Variants in RANBP3 observed in about 807,000 individuals in gnomAD.
RANBP3 encodes ran-binding protein 3.
RANBP3 carries 14 observed loss-of-function variants against 77.3 expected under a neutral mutation model. The observed-to-expected ratio is 0.18, with a 90% CI of 0.12 to 0.28. The LOEUF (loss-of-function observed/expected upper bound fraction) is 0.28. Among genes scored for constraint, RANBP3 ranks in the 10% least tolerant of loss-of-function variants. The pLI, the probability that RANBP3 is intolerant of heterozygous loss-of-function variation, is 1.00. For synonymous variants in RANBP3, 315 were observed against 312.4 expected, an observed-to-expected ratio of 1.01 and a Z score of -0.09; for missense variants, 586 against 752.3, an observed-to-expected ratio of 0.78 and a Z score of 2.59.
At position 5,918,481 on chromosome 19, in the gene RANBP3, G is replaced by C. The variant is rs770941882; in HGVS notation, c.1473+15C>G. The C allele has an allele frequency of 6.4e-7, 1 of 1,572,102 alleles. No individual in the cohort carries two copies. Among genetic ancestry groups the C allele is most frequent in the Non-Finnish European group, 8.6e-7 (1 of 1,156,670 alleles). Reference sequence around the variant, plus strand: ...AGGATGAGGGGTCCCAGATGCACCCGCGTGGCTGGCTCACCGAGATCAGGA... The same window carrying C: ...AGGATGAGGGGTCCCAGATGCACCCCCGTGGCTGGCTCACCGAGATCAGGA... On this transcript the variant is annotated intron_variant, in intron 15 of 16. Coordinates refer to ENST00000340578, the MANE Select transcript of RANBP3 (RefSeq NM_007322.3).
At chr19:5,973,407 T>C (rs1166980844) in intron 1 of RANBP3, among the ~76,000 whole-genome samples, 1 of 152,174 alleles carries the variant, frequency 6.6e-6, no homozygotes, top group African/African-American at 2.4e-5. Flanking sequence ...ACATTTCCAC[T>C]GTCATGACTG....
intron 2 of RANBP3, among the ~76,000 whole-genome samples, chr19:5,951,998 C>T (rs879691135): frequency 1.1e-4 from 17 of 152,174 alleles, no homozygotes; most frequent in Non-Finnish European, 2.4e-4. Flanking sequence ...TGGCCATCAG[C>T]ACCATTTCTG....
chr19:5,975,901 G>C (rs547562431), intron 1 of RANBP3, among the ~76,000 whole-genome samples: 1 of 151,930 alleles, frequency 6.6e-6, no homozygotes, highest in African/African-American at 2.4e-5. Context: ...GAAAAAGCCA[G>C]AGTAGTTAGC....
chr19:5,917,725 A>T (rs2057759769), intron 16 of RANBP3, 69 bp downstream of exon 16: 1 of 1,588,982 alleles, frequency 6.3e-7, no homozygotes, highest in Non-Finnish European at 8.6e-7. Flanking sequence ...CCGCCAGGAG[A>T]TCAGCACTGG....
chr19:5,917,866 C>A lies in RANBP3; in HGVS notation c.1588G>T (p.Ala530Ser), dbSNP rs1212825356. 1 of 1,612,702 alleles carries A rather than the reference C, an allele frequency of 6.2e-7. No homozygotes were observed. The highest frequency in any genetic ancestry group is 8.5e-7 in the Non-Finnish European group (1 of 1,179,920). Reference sequence around the variant, plus strand: ...TCGTCCTCCTCGTTGGATGGGGCTGCCCCAGGCTCAGGCGCGGGCATCTTG... The same window carrying A: ...TCGTCCTCCTCGTTGGATGGGGCTGACCCAGGCTCAGGCGCGGGCATCTTG... ...EAKMPAPEPG[A>S]APSNEEDDSD... Residue 530 changes from alanine (A) to serine (S), a missense_variant, in exon 16 of 17, where the codon GCA becomes TCA. Ala to Ser is a moderately conservative substitution (Grantham distance 99). Around this residue, in one of 5 missense-constraint regions of RANBP3, gnomAD observed 128 missense variants for 157.0 expected, o/e 0.82. Coordinates refer to ENST00000340578, the MANE Select transcript of RANBP3 (RefSeq NM_007322.3).
At chr19:5,951,357 CT>C (rs1418049754) in intron 3 of RANBP3, 35 bp downstream of exon 3, 1 of 1,535,990 alleles carries the variant, frequency 6.5e-7, no homozygotes, top group Non-Finnish European at 8.8e-7. Flanking sequence ...TGGGCTCCCC[CT>C]GGGCGGTAGG....
intron 1 of RANBP3, among the ~76,000 whole-genome samples, chr19:5,961,988 C>A (rs910253216): frequency 3.3e-5 from 5 of 151,934 alleles, no homozygotes; most frequent in African/African-American, 4.8e-5. Flanking sequence ...GCACAGACAC[C>A]ATCTCCTTCA....
intron 1 of RANBP3, among the ~76,000 whole-genome samples, chr19:5,967,833 C>T (rs1568481695): frequency 6.6e-6 from 1 of 152,140 alleles, no homozygotes; most frequent in Non-Finnish European, 1.5e-5. Flanking sequence ...CCAGCCTGGG[C>T]AACATGGTGA....
intron 5 of RANBP3, among the ~76,000 whole-genome samples, chr19:5,937,622 A>AT (rs1422616954): frequency 2.6e-5 from 4 of 152,216 alleles, no homozygotes; most frequent in Non-Finnish European, 5.9e-5. Flanking sequence ...GCTTTTCAAA[A>AT]TTAAAGCTAA....
intron 1 of RANBP3, among the ~76,000 whole-genome samples, chr19:5,964,005 C>T (rs996883067): frequency 1.3e-5 from 2 of 152,196 alleles, no homozygotes; most frequent in Non-Finnish European, 2.9e-5. Flanking sequence ...CCCAGGAAAA[C>T]AGCAAGGGAA....
chr19:5,964,852 T>TGGAG (rs1555765273), intron 1 of RANBP3, among the ~76,000 whole-genome samples: 1 of 16,996 alleles, frequency 5.9e-5, no homozygotes, highest in Non-Finnish European at 1.3e-4. Context: ...GGTGGTAGGG[T>TGGAG]GGGGGGGGGG....
chr19:5,933,371 C>T (rs371387342), intron 6 of RANBP3, 43 bp downstream of exon 6: 13 of 1,548,078 alleles, frequency 8.4e-6, no homozygotes, highest in African/African-American at 8.3e-5. Context: ...GTCTGAAAAA[C>T]GTCAGAGAGC....
intron 8 of RANBP3, among the ~76,000 whole-genome samples, chr19:5,930,948 T>C (rs912896299): frequency 5.9e-5 from 9 of 152,126 alleles, no homozygotes; most frequent in Non-Finnish European, 1.0e-4. Context: ...TGAGGGGTGG[T>C]TTGGGTGTGG....
intron 5 of RANBP3, among the ~76,000 whole-genome samples, chr19:5,938,565 G>C (rs2058094971): frequency 6.6e-6 from 1 of 152,104 alleles, no homozygotes. Flanking sequence ...GGTGGCACAT[G>C]CCTGTAATCC....
chr19:5,943,077 C>T (rs954095121), intron 3 of RANBP3, among the ~76,000 whole-genome samples: 1 of 152,216 alleles, frequency 6.6e-6, no homozygotes, highest in Non-Finnish European at 1.5e-5. Context: ...TCCCCCAACA[C>T]AATCCCTCAT....
At chr19:5,950,509 G>T (rs1439391074) in intron 3 of RANBP3, 2 of 152,300 alleles carry the variant, frequency 1.3e-5, no homozygotes, top group Non-Finnish European at 2.9e-5. Flanking sequence ...AAAAACCGGG[G>T]ACTGTTGTGT....
At chr19:5,965,526 AG>A (rs2058457177) in intron 1 of RANBP3, among the ~76,000 whole-genome samples, 1 of 152,072 alleles carries the variant, frequency 6.6e-6, no homozygotes, top group African/African-American at 2.4e-5. Context: ...GGCAGCAAGG[AG>A]GGGAGAGGGT....
At chr19:5,951,627 T>A (rs901272692) in intron 2 of RANBP3, 31 bp from the exon 3 acceptor site, 1 of 1,590,686 alleles carries the variant, frequency 6.3e-7, no homozygotes, top group Non-Finnish European at 8.6e-7. Flanking sequence ...TTTCCTTCAA[T>A]GTGAATAAAG....
At chr19:5,963,757 A>G (rs2058431820) in intron 1 of RANBP3, among the ~76,000 whole-genome samples, 1 of 152,200 alleles carries the variant, frequency 6.6e-6, no homozygotes, top group Admixed American at 6.5e-5. Flanking sequence ...CAATGTGTGA[A>G]GTGCTCTGGC....
Sources: gnomAD v4.1 joint callset for allele counts (sites outside exome capture counted in the v4.1 genomes callset) on GRCh38, gnomAD v4.1.1 for gene constraint, gnomAD v4.1.1 regional missense constraint, MANE v1.5 for transcripts, NCBI Gene and HGNC (gene_info 2026-07-23, HGNC 2026-07-21) for gene names.